PPARGC1A: variants seen among roughly 807,000 people sequenced by gnomAD.
The protein encoded by PPARGC1A is peroxisome proliferator-activated receptor gamma coactivator 1-alpha.
In PPARGC1A, 25 loss-of-function variants were observed where a neutral mutation model predicts 88.7. The observed-to-expected ratio is 0.28, with a 90% CI of 0.21 to 0.39. The LOEUF (loss-of-function observed/expected upper bound fraction) is 0.39. Among genes scored for constraint, PPARGC1A ranks in the 10% least tolerant of loss-of-function variants. The pLI, the probability that PPARGC1A is intolerant of heterozygous loss-of-function variation, is 1.00. For missense variants in PPARGC1A, 880 were observed against 968.7 expected (o/e 0.91, Z 1.22); for synonymous variants, 363 against 355.6 (o/e 1.02, Z -0.24).
chr4:24,115,446 C>A, the PPARGC1A span, among the ~76,000 whole-genome samples: 1 of 152,004 alleles, frequency 6.6e-6, no homozygotes, highest in African/African-American at 2.4e-5. Flanking sequence ...GGAAAAAAAA[C>A]CGAGTACCCT....
At chr4:23,897,688 G>A (rs1718768796) in intron 1 of PPARGC1A, among the ~76,000 whole-genome samples, 1 of 152,118 alleles carries the variant, frequency 6.6e-6, no homozygotes, top group African/African-American at 2.4e-5. Flanking sequence ...CATTTTCCTT[G>A]CAATACAGAT....
the PPARGC1A span, among the ~76,000 whole-genome samples, chr4:24,316,529 A>C: frequency 6.6e-6 from 1 of 152,228 alleles, no homozygotes; most frequent in Non-Finnish European, 1.5e-5. Flanking sequence ...TATAAGAATA[A>C]GGTTTTTAAA....
the PPARGC1A span, among the ~76,000 whole-genome samples, chr4:23,933,831 C>T: frequency 7.9e-4 from 120 of 152,320 alleles, no homozygotes; most frequent in African/African-American, 2.9e-3. Flanking sequence ...GCCACTCATC[C>T]GCCCAAGTGG....
At chr4:24,328,234 C>T in the PPARGC1A span, among the ~76,000 whole-genome samples, 1 of 130,028 alleles carries the variant, frequency 7.7e-6, no homozygotes, top group Non-Finnish European at 1.7e-5. Context: ...CCCCTCCCCA[C>T]AAAACAGAAA....
chr4:23,970,150 T>C, the PPARGC1A span, among the ~76,000 whole-genome samples: 8 of 152,336 alleles, frequency 5.3e-5, no homozygotes, highest in East Asian at 1.5e-3. Flanking sequence ...AGCTATGCTT[T>C]ACCTCTGTCT....
chr4:23,893,399 A>G (rs1382114078), upstream of PPARGC1A, among the ~76,000 whole-genome samples: 1 of 152,182 alleles, frequency 6.6e-6, no homozygotes, highest in Non-Finnish European at 1.5e-5. Context: ...TTTGTTGTCT[A>G]TATTGAATAT....
chr4:24,363,628 T>C, the PPARGC1A span, among the ~76,000 whole-genome samples: 1 of 152,158 alleles, frequency 6.6e-6, no homozygotes, highest in Non-Finnish European at 1.5e-5. Context: ...ATCTGCCTAC[T>C]ACAGGAATGT....
At chr4:24,174,019 GCAA>G in the PPARGC1A span, among the ~76,000 whole-genome samples, 2 of 152,124 alleles carry the variant, frequency 1.3e-5, no homozygotes, top group South Asian at 2.1e-4. Context: ...TAGATTTGCA[GCAA>G]CAACAACAAA....
chr4:24,124,250 T>C, the PPARGC1A span, among the ~76,000 whole-genome samples: 2 of 152,174 alleles, frequency 1.3e-5, no homozygotes, highest in Non-Finnish European at 2.9e-5. Context: ...CAATAAATAC[T>C]GAGGCAAATA....
the PPARGC1A span, among the ~76,000 whole-genome samples, chr4:24,278,554 T>C: frequency 2.0e-5 from 3 of 152,170 alleles, no homozygotes; most frequent in Non-Finnish European, 4.4e-5. Context: ...ACAAATTTTT[T>C]TTGCAAAAAG....
the PPARGC1A span, among the ~76,000 whole-genome samples, chr4:24,402,524 G>A: frequency 4.6e-5 from 7 of 152,334 alleles, no homozygotes; most frequent in Non-Finnish European, 7.3e-5. Flanking sequence ...TGAGGAACCT[G>A]AGAATTAGTG....
the PPARGC1A span, among the ~76,000 whole-genome samples, chr4:24,166,951 G>A: frequency 3.2e-4 from 49 of 152,190 alleles, no homozygotes; most frequent in Non-Finnish European, 4.4e-5. Flanking sequence ...GGATCAAGGA[G>A]TAATTTCAAT....
the PPARGC1A span, among the ~76,000 whole-genome samples, chr4:24,419,500 G>A: frequency 5.4e-5 from 8 of 148,212 alleles, no homozygotes; most frequent in African/African-American, 1.0e-4. Flanking sequence ...CTACAATCCC[G>A]AAAAACACAG....
At chr4:24,255,057 T>C in the PPARGC1A span, among the ~76,000 whole-genome samples, 1 of 152,210 alleles carries the variant, frequency 6.6e-6, no homozygotes, top group Non-Finnish European at 1.5e-5. Flanking sequence ...GTCTGCAAAT[T>C]CACATCATTC....
At chr4:23,999,870 A>G in the PPARGC1A span, among the ~76,000 whole-genome samples, 13 of 152,232 alleles carry the variant, frequency 8.5e-5, no homozygotes, top group African/African-American at 3.1e-4. Flanking sequence ...AAGGACTCCA[A>G]CGTGTAGACC....
chr4:24,194,438 C>T, the PPARGC1A span, among the ~76,000 whole-genome samples: 1 of 152,150 alleles, frequency 6.6e-6, no homozygotes, highest in Non-Finnish European at 1.5e-5. Flanking sequence ...CTTCACTGTC[C>T]TTGTGCTTTC....
the PPARGC1A span, among the ~76,000 whole-genome samples, chr4:24,408,978 G>T: frequency 1.3e-5 from 2 of 152,204 alleles, no homozygotes; most frequent in African/African-American, 2.4e-5. Flanking sequence ...TGATATGATA[G>T]TTGGGATATT....
chr4:24,311,451 C>T, the PPARGC1A span, among the ~76,000 whole-genome samples: 1 of 124,678 alleles, frequency 8.0e-6, no homozygotes, highest in Non-Finnish European at 1.7e-5. Context: ...CTGGCTAACA[C>T]GGTGAAACCC....
chr4:24,033,410 G>GACACACACACAC, the PPARGC1A span, among the ~76,000 whole-genome samples: 6 of 150,834 alleles, frequency 4.0e-5, no homozygotes, highest in South Asian at 2.1e-4. Flanking sequence ...TAGACAGACA[G>GACACACACACAC]ACACACACAC....
Sources: gnomAD v4.1 joint callset for allele counts (sites outside exome capture counted in the v4.1 genomes callset) on GRCh38, gnomAD v4.1.1 for gene constraint, MANE v1.5 for transcripts, NCBI Gene and HGNC (gene_info 2026-07-23, HGNC 2026-07-21) for gene names.